The following EDNRA variants were observed in gnomAD, a reference collection of about 807,000 sequenced individuals.
EDNRA encodes the protein endothelin-1 receptor.
A neutral mutation model predicts 41.4 loss-of-function variants in EDNRA; 11 were observed. The ratio of observed to expected loss-of-function variants is 0.27; its 90% CI spans 0.17 to 0.44. EDNRA has a LOEUF of 0.44. Among genes scored for constraint, EDNRA ranks in the 20% least tolerant of loss-of-function variants. The pLI is 1.00. For synonymous variants in EDNRA, 172 were observed against 183.0 expected (o/e 0.94, Z 0.49); for missense variants, 294 against 531.0 (o/e 0.55, Z 4.39).
intron 2 of EDNRA, among the ~76,000 whole-genome samples, chr4:147,513,355 A>G (rs1729990448): frequency 6.6e-6 from 1 of 152,246 alleles, no homozygotes; most frequent in African/African-American, 2.4e-5. Context: ...GGATAGGGAG[A>G]GGCCATAGCT....
chr4:147,501,051 T>C (rs1005050545), intron 2 of EDNRA, among the ~76,000 whole-genome samples: 9 of 152,250 alleles, frequency 5.9e-5, no homozygotes, highest in African/African-American at 1.9e-4. Context: ...TGAAATTCTT[T>C]ACTTGTTTGC....
intron 2 of EDNRA, among the ~76,000 whole-genome samples, chr4:147,514,071 T>G (rs930498733): frequency 1.3e-5 from 2 of 152,186 alleles, no homozygotes; most frequent in Non-Finnish European, 2.9e-5. Flanking sequence ...CAAAATAACG[T>G]TTGTGTGTTA....
chr4:147,532,938 C>T (rs905760078), intron 4 of EDNRA, among the ~76,000 whole-genome samples: 1 of 151,840 alleles, frequency 6.6e-6, no homozygotes, highest in African/African-American at 2.4e-5. Context: ...TGTTATTCTG[C>T]ACCAAACCAC....
rs1247282909 is a variant in EDNRA, at chr4:147,514,917, G to C, written c.421-4934G>C. The stretch of plus-strand genomic sequence containing the variant: ...TATGGTTGGTGAGCCAGCAGCATCA[G>C]CATCACCTGAGAACTTGCTAGAAAT... On this transcript the variant is annotated intron_variant, in intron 2 of 7. Transcript: ENST00000651419. Among the ~76,000 whole-genome samples, 5 of 152,308 alleles carry C rather than the reference G, an allele frequency of 3.3e-5. No homozygotes were observed. The East Asian group carries it at 7.7e-4, about 23-fold the overall frequency.
At chr4:147,509,509 A>G (rs549243470) in intron 2 of EDNRA, among the ~76,000 whole-genome samples, 12 of 152,212 alleles carry the variant, frequency 7.9e-5, no homozygotes, top group Non-Finnish European at 1.8e-4. Flanking sequence ...GCTGCAGACT[A>G]GTACCAGTTC....
chr4:147,494,202 A>T lies in EDNRA; in HGVS notation c.420+8101A>T, dbSNP rs975490486. ...TTTATTCTCTAGCTGCTCTTCATTT[A>T]TTCAATAAAGACATTGGGTAAATAG... On this transcript the variant is annotated intron_variant, in intron 2 of 7. Transcript: ENST00000651419. 2.6e-5 allele frequency: 4 copies of T among 152,350 alleles called. No homozygotes were observed. The East Asian group carries it at 5.8e-4, about 22-fold the overall frequency. The allele number at this position is 152,350 out of a possible 1,614,324, so 9.4% of individuals were successfully genotyped here.
intron 4 of EDNRA, among the ~76,000 whole-genome samples, chr4:147,532,991 G>GT (rs1553981219): frequency 2.0e-4 from 30 of 151,654 alleles, no homozygotes; most frequent in Non-Finnish European, 3.1e-4. Context: ...CTAGATGTGT[G>GT]TGTGTGTGTG....
chr4:147,523,082 CAA>C (rs1730381851), intron 3 of EDNRA, among the ~76,000 whole-genome samples: 2 of 152,154 alleles, frequency 1.3e-5, no homozygotes, highest in African/African-American at 4.8e-5. Flanking sequence ...TTGAAGTCAG[CAA>C]ATGCTGACAA....
intron 1 of EDNRA, among the ~76,000 whole-genome samples, 181 bp from the exon 2 acceptor site, chr4:147,485,431 G>A (rs987156848): frequency 1.3e-5 from 2 of 152,102 alleles, no homozygotes; most frequent in Admixed American, 1.3e-4. Context: ...GATAGAGCTT[G>A]CCCTAATAGA....
intron 5 of EDNRA, among the ~76,000 whole-genome samples, chr4:147,538,108 T>C (rs928871116): frequency 6.6e-6 from 1 of 152,170 alleles, no homozygotes; most frequent in Non-Finnish European, 1.5e-5. Flanking sequence ...CTTTCTCCCA[T>C]AGCAAAAAGT....
intron 2 of EDNRA, chr4:147,490,291 C>T (rs1729097594): frequency 6.6e-6 from 1 of 152,086 alleles, no homozygotes; most frequent in South Asian, 2.1e-4. Context: ...TTTTGAAACA[C>T]AATGGCCTTG....
At chr4:147,523,689 A>G (rs1488448733) in intron 3 of EDNRA, among the ~76,000 whole-genome samples, 1 of 151,506 alleles carries the variant, frequency 6.6e-6, no homozygotes, top group Non-Finnish European at 1.5e-5. Context: ...ACGGGGTTTC[A>G]CCGTGTTAGC....
chr4:147,532,446 G>T, intron 3 of EDNRA, 60 bp from the exon 4 acceptor site: 6 of 1,433,992 alleles, frequency 4.2e-6, no homozygotes, highest in East Asian at 5.3e-5. Context: ...TACAATTTTT[G>T]TTTAATTGAA....
chr4:147,529,235 A>G (rs1337206425), intron 3 of EDNRA, among the ~76,000 whole-genome samples: 2 of 152,312 alleles, frequency 1.3e-5, no homozygotes, highest in East Asian at 3.9e-4. Flanking sequence ...AAGGAAGACA[A>G]GGAGTCTGAT....
intron 2 of EDNRA, among the ~76,000 whole-genome samples, chr4:147,499,502 G>A (rs1422127898): frequency 6.6e-6 from 1 of 152,224 alleles, no homozygotes; most frequent in African/African-American, 2.4e-5. Flanking sequence ...TCTCTTCGTT[G>A]TCTCGATTTA....
At chr4:147,518,238 T>C (rs1014444185) in intron 2 of EDNRA, among the ~76,000 whole-genome samples, 7 of 152,236 alleles carry the variant, frequency 4.6e-5, no homozygotes, top group African/African-American at 1.7e-4. Context: ...TAGTGTTTTA[T>C]GTCTTTACTT....
chr4:147,527,090 T>C (rs1255271508), intron 3 of EDNRA, among the ~76,000 whole-genome samples: 1 of 152,240 alleles, frequency 6.6e-6, no homozygotes, highest in African/African-American at 2.4e-5. Context: ...GGCGGCACTG[T>C]ACCTTATGGA....
At position 147,519,965 on chromosome 4, in the gene EDNRA, C is replaced by G; in HGVS notation, c.535C>G (p.Leu179Val). The change falls in exon 3 of 8, where the codon CTT becomes GTT. Residue 179 changes from leucine to valine, a missense_variant. Coordinates refer to ENST00000651419, the MANE Select transcript of EDNRA (RefSeq NM_001957.4). The surrounding 1 kb of genome is among the most constrained non-coding windows in gnomAD (Gnocchi z 4.1). ...GATCACCGTCCTCAACCTCTGCGCT[C>G]TTAGTGTTGACAGGTAATGTGGTTC... Reference protein sequence around the residue: ...VGITVLNLCALSVDRYRAVAS... With the variant: ...VGITVLNLCAVSVDRYRAVAS... The G allele has an allele frequency of 6.2e-7, 1 of 1,611,058 alleles. No individual in the cohort carries two copies. Among genetic ancestry groups the G allele is most frequent in the Non-Finnish European group, 8.5e-7 (1 of 1,178,318 alleles).
At position 147,521,757 on chromosome 4, in the gene EDNRA, C is replaced by G. The variant is rs998973501; in HGVS notation, c.548+1779C>G. On this transcript the variant is annotated intron_variant, in intron 3 of 7. Transcript: ENST00000651419. ...TAACCATGTATTTTCATTATAATAT[C>G]TAATTAAATTTTTTAGTTATAACTC... 2.6e-5 allele frequency among the ~76,000 whole-genome samples: 4 copies of G among 152,040 alleles called. No individual in the cohort carries two copies. The South Asian group carries it at 8.3e-4, about 32-fold the overall frequency.
Sources: allele counts gnomAD v4.1 joint callset (sites outside exome capture counted in the v4.1 genomes callset), GRCh38; gene constraint gnomAD v4.1.1; non-coding constraint Gnocchi (gnomAD v3.1); transcripts MANE v1.5; gene names NCBI Gene and HGNC (gene_info 2026-07-23, HGNC 2026-07-21).